Variants in FAM13C observed in about 807,000 individuals in gnomAD.
The protein encoded by FAM13C is family with sequence similarity 13 member C, also known as protein FAM13C.
In FAM13C, 37 loss-of-function variants were observed where a neutral mutation model predicts 73.2. That is an observed-to-expected ratio of 0.51 (90% CI 0.39 to 0.67). The LOEUF is 0.67. Ranked by LOEUF, FAM13C falls within the 30% of genes least tolerant of loss-of-function variation. The pLI, the probability that FAM13C is intolerant of heterozygous loss-of-function variation, is 0.00. For synonymous variants in FAM13C, 246 were observed against 260.9 expected, an observed-to-expected ratio of 0.94 and a Z score of 0.55; for missense variants, 589 against 715.6, an observed-to-expected ratio of 0.82 and a Z score of 2.02.
rs145853291 is a variant in FAM13C, at chr10:59,254,562, A to G, written c.1237-119T>C. ...ATAATACTATAATGCAGCAGTTATC[A>G]TGAAAAGGAAAGTCATTTATTTATT... On this transcript the variant is annotated intron_variant, in intron 10 of 13. Coordinates refer to ENST00000618804, the MANE Select transcript of FAM13C (RefSeq NM_198215.4). 268 of 429,186 alleles carry G rather than the reference A, an allele frequency of 6.2e-4. 1 individual carries two copies. In the East Asian group the frequency reaches 8.9e-3, roughly 14 times the overall value. The allele number at this position is 429,186 out of a possible 1,614,324, so 26.6% of individuals were successfully genotyped here.
chr10:59,269,199 A>ATT lies in FAM13C; in HGVS notation c.804-509_804-508insAA, dbSNP rs541753768. 4.8e-3 allele frequency among the ~76,000 whole-genome samples: 736 copies of ATT among 152,228 alleles called. 4 individuals are homozygous for ATT. The highest frequency in any genetic ancestry group is 0.017 in the African/African-American group (710 of 41,534). ...TTCACTAACTCTTTCAGGTCCATCGATAGATAGTTCATGGACCCAGGGTTA... is the reference window on the plus strand; with the variant it reads ...TTCACTAACTCTTTCAGGTCCATCGATTTAGATAGTTCATGGACCCAGGGTTA... On this transcript the variant is annotated intron_variant, in intron 7 of 13. Transcript: ENST00000618804.
chr10:59,246,893 A>C lies in FAM13C; in HGVS notation c.*721T>G, dbSNP rs1293038805. 8.9e-6 allele frequency: 3 copies of C among 337,996 alleles called. No homozygotes were observed. Among genetic ancestry groups the C allele is most frequent in the Non-Finnish European group, 1.6e-5 (3 of 189,598 alleles). 20.9% of individuals were successfully genotyped at this position (337,996 alleles called of 1,614,324 possible). The stretch of plus-strand genomic sequence containing the variant: ...TCCAAAATACCTATTTTAAATTTTT[A>C]ATACAATATTTTATTTTAATATAAA... On this transcript the variant is annotated 3_prime_UTR_variant, in exon 14 of 14. Coordinates refer to ENST00000618804, the MANE Select transcript of FAM13C (RefSeq NM_198215.4).
At chr10:59,262,279 C>T (rs940511463) in intron 10 of FAM13C, among the ~76,000 whole-genome samples, 155 bp downstream of exon 10, 15 of 152,114 alleles carry the variant, frequency 9.9e-5, no homozygotes, top group Non-Finnish European at 1.6e-4. Context: ...CACTACTGCT[C>T]GTGGCCAGTA....
rs919494721 is a variant in FAM13C at position 59,340,655 on chromosome 10, C to T, written c.324+11615G>A. Among the ~76,000 whole-genome samples the T allele has an allele frequency of 5.3e-5, 8 of 151,988 alleles. 1 individual carries two copies. Among genetic ancestry groups the T allele is most frequent in the Middle Eastern group, 6.8e-3 (2 of 294 alleles). The stretch of plus-strand genomic sequence containing the variant: ...GTTTGGTACTTTTTTTCTCTATTTC[C>T]ATCTTGATGCTTCACATAAAGTAGA... On this transcript the variant is annotated intron_variant, in intron 3 of 13. Transcript: ENST00000618804.
intron 11 of FAM13C, chr10:59,254,071 A>G (rs1167283182): frequency 2.7e-6 from 1 of 374,736 alleles, no homozygotes; most frequent in Non-Finnish European, 4.7e-6. Context: ...GAAATCTATC[A>G]TTTCTTTTCA....
intron 4 of FAM13C, among the ~76,000 whole-genome samples, chr10:59,317,126 ATG>A (rs5785374): frequency 0.5 from 74,831 of 149,154 alleles, 19,402 homozygotes; most frequent in Middle Eastern, 0.62. Flanking sequence ...ACTATACATA[ATG>A]TGTGTGTGTG....
intron 4 of FAM13C, among the ~76,000 whole-genome samples, chr10:59,303,840 T>C (rs1380705469): frequency 6.6e-6 from 1 of 152,194 alleles, no homozygotes; most frequent in East Asian, 1.9e-4. Context: ...GTTGGCTCCA[T>C]GTATGTCTTC....
Position 59,268,755 on chromosome 10 carries a change from G to T in FAM13C, c.804-64C>A. 14 of 1,551,722 alleles carry T rather than the reference G, an allele frequency of 9.0e-6. No homozygotes were observed. The South Asian group carries it at 1.7e-4, about 19-fold the overall frequency. On this transcript the variant is annotated intron_variant, in intron 7 of 13. Transcript: ENST00000618804. ...TGGGCTTCCAGTAAACAGTTCTGTT[G>T]ATCTACAAACCAAAATTCCTGGATT...
chr10:59,286,648 G>A (rs1845604470), intron 5 of FAM13C, among the ~76,000 whole-genome samples: 1 of 150,908 alleles, frequency 6.6e-6, no homozygotes, highest in Admixed American at 6.6e-5. Flanking sequence ...GTTTTATATT[G>A]GGAAGATGAA....
chr10:59,362,383 G>C lies in FAM13C; in HGVS notation c.62+16C>G, dbSNP rs780212206. ...AAAGGCATGCAAGTCTAATTTTAAT[G>C]GTAAGAATCACTTACTCTGTTACAG... On this transcript the variant is annotated intron_variant, in intron 1 of 13. Coordinates refer to ENST00000618804, the MANE Select transcript of FAM13C (RefSeq NM_198215.4). 2 of 1,613,184 alleles carry C rather than the reference G, an allele frequency of 1.2e-6. No individual in the cohort carries two copies. Among genetic ancestry groups the C allele is most frequent in the South Asian group, 1.1e-5 (1 of 90,748 alleles).
At chr10:59,338,607 G>T (rs1313072498) in intron 3 of FAM13C, among the ~76,000 whole-genome samples, 2 of 152,188 alleles carry the variant, frequency 1.3e-5, no homozygotes, top group Non-Finnish European at 2.9e-5. Flanking sequence ...CCATGTTGTA[G>T]CTAATTCTCC....
intron 4 of FAM13C, among the ~76,000 whole-genome samples, chr10:59,321,234 A>G (rs1449854857): frequency 6.6e-6 from 1 of 152,056 alleles, no homozygotes; most frequent in Non-Finnish European, 1.5e-5. Context: ...CTTAAAATCA[A>G]AAAATGTTTC....
intron 4 of FAM13C, 47 bp from the exon 5 acceptor site, chr10:59,302,911 A>C: frequency 1.3e-6 from 2 of 1,565,206 alleles, no homozygotes; most frequent in Non-Finnish European, 1.8e-6. Context: ...GAAACGTTTC[A>C]GTGATGTACA....
Position 59,251,691 on chromosome 10 carries a change from A to G in FAM13C, c.1533-15T>C. 6.4e-7 allele frequency: 1 copy of G among 1,570,496 alleles called. No homozygotes were observed. The highest frequency in any genetic ancestry group is 2.3e-5 in the East Asian group (1 of 44,442). On this transcript the variant is annotated splice_polypyrimidine_tract_variant and intron_variant, in intron 12 of 13. Transcript: ENST00000618804. The stretch of plus-strand genomic sequence containing the variant: ...GAAGTACAGGCCTATATAAGGTAAA[A>G]TACTTGTCATTACTGGGCACTGGCA...
chr10:59,343,169 G>A (rs1301919384), intron 3 of FAM13C, among the ~76,000 whole-genome samples: 1 of 152,192 alleles, frequency 6.6e-6, no homozygotes, highest in Non-Finnish European at 1.5e-5. Flanking sequence ...TGAGCTTGAA[G>A]TTTCATTTGG....
At chr10:59,270,882 C>G (rs902129010) in intron 6 of FAM13C, among the ~76,000 whole-genome samples, 1 of 152,102 alleles carries the variant, frequency 6.6e-6, no homozygotes, top group Non-Finnish European at 1.5e-5. Flanking sequence ...TTCTCTGAAC[C>G]CTCTCCCCGG....
intron 3 of FAM13C, among the ~76,000 whole-genome samples, chr10:59,328,806 T>G (rs912534588): frequency 1.4e-4 from 21 of 152,238 alleles, no homozygotes; most frequent in Non-Finnish European, 1.2e-4. Flanking sequence ...TATGAGAGTA[T>G]TTCCCAAAAT....
intron 4 of FAM13C, among the ~76,000 whole-genome samples, chr10:59,304,045 G>A (rs1222089373): frequency 6.6e-6 from 1 of 152,130 alleles, no homozygotes; most frequent in Non-Finnish European, 1.5e-5. Context: ...CTACTTGGGA[G>A]GCTGAGGCAC....
intron 3 of FAM13C, among the ~76,000 whole-genome samples, chr10:59,333,109 G>A (rs764013588): frequency 1.3e-5 from 2 of 151,922 alleles, no homozygotes; most frequent in Non-Finnish European, 2.9e-5. Flanking sequence ...CAAAACAGCC[G>A]GGACTACAGG....
Sources: gnomAD v4.1 joint callset for allele counts (sites outside exome capture counted in the v4.1 genomes callset) on GRCh38, gnomAD v4.1.1 for gene constraint, MANE v1.5 for transcripts, NCBI Gene and HGNC (gene_info 2026-07-23, HGNC 2026-07-21) for gene names.